Variants in CTNNA2 observed in about 807,000 individuals in gnomAD.
The protein encoded by CTNNA2 is catenin alpha 2.
Under a neutral mutation model 101.0 loss-of-function variants are expected in CTNNA2, and 42 were observed. The observed-to-expected ratio is 0.42, with a 90% CI of 0.32 to 0.54. CTNNA2 has a LOEUF of 0.54. Among genes scored for constraint, CTNNA2 ranks in the 20% least tolerant of loss-of-function variants. CTNNA2 has a pLI of 0.14. For missense variants in CTNNA2, 871 were observed against 1,223.1 expected (o/e 0.71, Z 4.29); for synonymous variants, 450 against 456.4 (o/e 0.99, Z 0.18).
chr2:80,213,499 T>A lies in CTNNA2; in HGVS notation c.1057-179712T>A, dbSNP rs545376103. ...CAGTAGTCATTCAGGAGCACATTGTTCAGTTTCCACGTAGTTGAGCAGTTT... is the reference window on the plus strand; with the variant it reads ...CAGTAGTCATTCAGGAGCACATTGTACAGTTTCCACGTAGTTGAGCAGTTT... On this transcript the variant is annotated intron_variant, in intron 7 of 18. Coordinates refer to ENST00000402739, the MANE Select transcript of CTNNA2 (RefSeq NM_001282597.3). Among the ~76,000 whole-genome samples the A allele has an allele frequency of 4.6e-5, 7 of 152,382 alleles. No homozygotes were observed. In the South Asian group the frequency reaches 1.4e-3, roughly 32 times the overall value.
chr2:80,319,858 A>G (rs922141706), intron 7 of CTNNA2, among the ~76,000 whole-genome samples: 3 of 152,234 alleles, frequency 2.0e-5, no homozygotes, highest in Admixed American at 1.3e-4. Flanking sequence ...GACGGTAACC[A>G]TTCACAGACT....
At chr2:79,385,211 C>T (rs149838616) in intron 4 of CTNNA2, among the ~76,000 whole-genome samples, 195 of 152,230 alleles carry the variant, frequency 1.3e-3, no homozygotes, top group Non-Finnish European at 2.1e-3. Context: ...CCCACATAGG[C>T]CCTTACCACT....
At chr2:80,261,269 T>A (rs895488125) in intron 7 of CTNNA2, among the ~76,000 whole-genome samples, 2 of 152,162 alleles carry the variant, frequency 1.3e-5, no homozygotes, top group Admixed American at 6.5e-5. Context: ...GTTCAAATTT[T>A]GCTGGTCAAA....
intron 8 of CTNNA2, among the ~76,000 whole-genome samples, chr2:80,396,524 T>C (rs1389689071): frequency 6.6e-6 from 1 of 152,206 alleles, no homozygotes; most frequent in Non-Finnish European, 1.5e-5. Context: ...CTGGCCCACA[T>C]GGTCTGTCCA....
At chr2:80,596,921 G>A (rs988742837) in intron 15 of CTNNA2, among the ~76,000 whole-genome samples, 3 of 152,124 alleles carry the variant, frequency 2.0e-5, no homozygotes, top group African/African-American at 4.8e-5. Flanking sequence ...AACATGAAGT[G>A]ATGTTGAATT....
chr2:80,601,290 C>G (rs181710193), intron 15 of CTNNA2, among the ~76,000 whole-genome samples: 293 of 152,138 alleles, frequency 1.9e-3, no homozygotes, highest in African/African-American at 6.5e-3. Context: ...TATTATGTAA[C>G]TGAATGAAAT....
intron 1 of CTNNA2, among the ~76,000 whole-genome samples, chr2:79,530,649 TAAG>T (rs1178344863): frequency 1.3e-5 from 2 of 152,110 alleles, no homozygotes; most frequent in Non-Finnish European, 2.9e-5. Context: ...ATTTGTTGAG[TAAG>T]AAGTGGATCT....
At chr2:79,650,108 T>C (rs1573571578) in intron 1 of CTNNA2, among the ~76,000 whole-genome samples, 1 of 142,624 alleles carries the variant, frequency 7.0e-6, no homozygotes, top group East Asian at 2.2e-4. Context: ...AGTGGTTAGA[T>C]GTCAGAATGT....
intron 1 of CTNNA2, among the ~76,000 whole-genome samples, chr2:79,604,514 G>C (rs1410421892): frequency 2.0e-5 from 3 of 152,164 alleles, no homozygotes; most frequent in Non-Finnish European, 4.4e-5. Context: ...GAAGTGTCTA[G>C]ACTTTCAGGA....
In CTNNA2 at chr2:80,025,801, G is replaced by A. The variant is rs139936155; in HGVS notation, c.1056+116004G>A. Among the ~76,000 whole-genome samples the A allele has an allele frequency of 2.4e-3, 360 of 152,326 alleles. 1 individual carries two copies. The highest frequency in any genetic ancestry group is 4.1e-3 in the South Asian group (20 of 4,834). ...GCTACCAGGAATCACAAAGCAGCAC[G>A]TACTTGTCCTCCATTCAGTAGCTAT... is the stretch of plus-strand genomic sequence containing the variant. On this transcript the variant is annotated intron_variant, in intron 7 of 18. Coordinates refer to ENST00000402739, the MANE Select transcript of CTNNA2 (RefSeq NM_001282597.3).
intron 1 of CTNNA2, among the ~76,000 whole-genome samples, chr2:79,602,341 A>T (rs967480973): frequency 6.6e-6 from 1 of 152,102 alleles, no homozygotes; most frequent in Non-Finnish European, 1.5e-5. Flanking sequence ...CAGTTTACCC[A>T]TTCATGATTT....
intron 4 of CTNNA2, among the ~76,000 whole-genome samples, chr2:79,442,719 T>G (rs1678789808): frequency 6.6e-6 from 1 of 152,200 alleles, no homozygotes; most frequent in East Asian, 1.9e-4. Flanking sequence ...AACATTATCC[T>G]CAGGTTAATC....
chr2:80,508,881 A>T (rs1295079388), intron 9 of CTNNA2, among the ~76,000 whole-genome samples: 1 of 152,104 alleles, frequency 6.6e-6, no homozygotes, highest in Admixed American at 6.5e-5. Flanking sequence ...CTTGGCCCAG[A>T]CTAGTGATTC....
chr2:80,537,094 G>T (rs1010009155), intron 9 of CTNNA2, among the ~76,000 whole-genome samples: 5 of 151,934 alleles, frequency 3.3e-5, no homozygotes, highest in African/African-American at 9.7e-5. Flanking sequence ...CCCCTGACAG[G>T]CCCCAGTGTG....
intron 7 of CTNNA2, among the ~76,000 whole-genome samples, chr2:80,136,804 G>A (rs1277200160): frequency 6.6e-6 from 1 of 152,130 alleles, no homozygotes; most frequent in Non-Finnish European, 1.5e-5. Context: ...CACCATTTAA[G>A]AGGTAATAAA....
intron 1 of CTNNA2, among the ~76,000 whole-genome samples, chr2:79,526,430 T>C (rs538068442): frequency 6.6e-6 from 1 of 150,742 alleles, no homozygotes; most frequent in East Asian, 1.9e-4. Flanking sequence ...GATTCAATGC[T>C]ATTGCTGTGA....
intron 9 of CTNNA2, among the ~76,000 whole-genome samples, chr2:80,540,842 G>A (rs570228284): frequency 6.6e-6 from 1 of 152,146 alleles, no homozygotes; most frequent in East Asian, 1.9e-4. Context: ...TTACAGGTGT[G>A]TGCCACCACA....
At chr2:80,162,722 T>C in intron 7 of CTNNA2, 4 of 1,611,726 alleles carry the variant, frequency 2.5e-6, no homozygotes. Context: ...GACTGTGTGA[T>C]TGAACTGATG....
chr2:79,835,666 G>GTTTTTTTTTTTTTTGTTTT (rs1679279930), intron 3 of CTNNA2, among the ~76,000 whole-genome samples: 1 of 58,618 alleles, frequency 1.7e-5, no homozygotes, highest in African/African-American at 7.3e-5. Flanking sequence ...GCCTCTCTTT[G>GTTTTTTTTTTTTTTGTTTT]TTTTTTTTTT....
Sources: allele counts gnomAD v4.1 joint callset (sites outside exome capture counted in the v4.1 genomes callset), GRCh38; gene constraint gnomAD v4.1.1; transcripts MANE v1.5; gene names NCBI Gene and HGNC (gene_info 2026-07-23, HGNC 2026-07-21).